PCDHGA12: variants seen among roughly 807,000 people sequenced by gnomAD.
PCDHGA12 encodes protocadherin gamma subfamily A, 12, also known as protocadherin gamma-A12.
In PCDHGA12, 43 loss-of-function variants were observed where a neutral mutation model predicts 61.1. The observed-to-expected ratio is 0.70, with a 90% CI of 0.55 to 0.91. The LOEUF (loss-of-function observed/expected upper bound fraction) is 0.91, where lower values mean the gene tolerates loss of function less well. PCDHGA12 is among the 40% of genes least tolerant of loss of function. The pLI is 0.00. For missense variants in PCDHGA12, 1,236 were observed against 1,227.7 expected (o/e 1.01, Z -0.10); for synonymous variants, 520 against 542.9 (o/e 0.96, Z 0.59).
At position 141,431,555 on chromosome 5, in the gene PCDHGA12, G is replaced by A. The variant is rs2097394199; in HGVS notation, c.796G>A (p.Ala266Thr). Residue 266 changes from alanine to threonine, a missense_variant, in exon 1 of 4, where the codon GCT becomes ACT. Transcript: ENST00000252085. This position sits in a 1 kb window ranked among gnomAD's most constrained non-coding sequence, Gnocchi z 4.8. The stretch of plus-strand genomic sequence containing the variant: ...GGGCACGCAGCTGCTTGTAGTCAAC[G>A]CTACCGACCCTGACGAAGGAGTCAA... ...ALGTQLLVVN[A>T]TDPDEGVNAE... 1 of 1,614,014 alleles carries A rather than the reference G, an allele frequency of 6.2e-7. No individual in the cohort carries two copies. The highest frequency in any genetic ancestry group is 8.5e-7 in the Non-Finnish European group (1 of 1,180,032).
At position 141,477,862 on chromosome 5, in the gene PCDHGA12, A is replaced by AGGT. The variant is rs753168325; in HGVS notation, c.2425-16944_2425-16942dup. 2.1e-5 allele frequency: 34 copies of AGGT among 1,613,138 alleles called. No individual in the cohort carries two copies. Among genetic ancestry groups the AGGT allele is most frequent in the Non-Finnish European group, 2.5e-5 (29 of 1,179,720 alleles). ...GGAGCTCGGTGGAGATGCTGCCTCG[A>AGGT]GGTACCTCAGCTGGCCACCTAGTGT... is the stretch of plus-strand genomic sequence containing the variant. On this transcript the variant is annotated intron_variant, in intron 1 of 3. Transcript: ENST00000252085. The surrounding 1 kb of genome is among the most constrained non-coding windows in gnomAD (Gnocchi z 4.9).
At position 141,430,878 on chromosome 5, in the gene PCDHGA12, A is replaced by G; in HGVS notation, c.119A>G (p.Glu40Gly). The change falls in exon 1 of 4, where the codon GAG becomes GGG. Residue 40 changes from glutamate to glycine, a missense_variant. Glu to Gly is a moderately conservative substitution (Grantham distance 98). Transcript: ENST00000252085. ...CGCTATTCAGTTCCGGAAGAGCTGG[A>G]GAAAGGCTCTAGGGTGGGCGACATC... Reference protein sequence around the residue: ...QIRYSVPEELEKGSRVGDISR... With the variant: ...QIRYSVPEELGKGSRVGDISR... 1 of 1,600,748 alleles carries G rather than the reference A, an allele frequency of 6.2e-7. No homozygotes were observed. Among genetic ancestry groups the G allele is most frequent in the Admixed American group, 1.8e-5 (1 of 57,102 alleles).
In PCDHGA12 at chr5:141,512,809, A is replaced by C. The variant is rs2099884438; in HGVS notation, c.*1636A>C. ...GTGTTTTGTGCTGTGTCCACGCGCT[A>C]AGGCGACCCCCTCCCCCGTACTGAC... On this transcript the variant is annotated 3_prime_UTR_variant, in exon 4 of 4. Coordinates refer to ENST00000252085, the MANE Select transcript of PCDHGA12 (RefSeq NM_003735.3). 6.6e-6 allele frequency: 1 copy of C among 152,130 alleles called. No homozygotes were observed. The highest frequency in any genetic ancestry group is 2.4e-5 in the African/African-American group (1 of 41,404). The allele number at this position is 152,130 out of a possible 1,614,324, so 9.4% of individuals were successfully genotyped here. A position where few individuals can be genotyped will look rare whatever the true frequency, so the allele number is the denominator to read the frequency against.
At position 141,487,385 on chromosome 5, in the gene PCDHGA12, CGAA is replaced by C; in HGVS notation, c.2425-7420_2425-7418del. 6.2e-7 allele frequency: 1 copy of C among 1,614,160 alleles called. No individual in the cohort carries two copies. The highest frequency in any genetic ancestry group is 8.5e-7 in the Non-Finnish European group (1 of 1,180,046). On this transcript the variant is annotated intron_variant, in intron 1 of 3. Coordinates refer to ENST00000252085, the MANE Select transcript of PCDHGA12 (RefSeq NM_003735.3). The surrounding 1 kb of genome is among the most constrained non-coding windows in gnomAD (Gnocchi z 5.0). ...CACCTGTGCCTGTCTCACCAGATCTCGAAGGAGGGAGGGGCTTCCCCCTTCCAA... is the reference window on the plus strand; with the variant it reads ...CACCTGTGCCTGTCTCACCAGATCTCGGAGGGAGGGGCTTCCCCCTTCCAA...
At position 141,486,134 on chromosome 5, in the gene PCDHGA12, C is replaced by T; in HGVS notation, c.2425-8673C>T. 6.2e-7 allele frequency: 1 copy of T among 1,614,168 alleles called. No homozygotes were observed. ...TGAGAATTACTATGAATTTGATGTG[C>T]GGGCTCGCGATGGGGGTTCTCCAGC... On this transcript the variant is annotated intron_variant, in intron 1 of 3. Coordinates refer to ENST00000252085, the MANE Select transcript of PCDHGA12 (RefSeq NM_003735.3). The surrounding 1 kb of genome is among the most constrained non-coding windows in gnomAD (Gnocchi z 5.0).
intron 2 of PCDHGA12, among the ~76,000 whole-genome samples, chr5:141,497,016 C>G (rs1384415729): frequency 6.6e-6 from 1 of 152,056 alleles, no homozygotes; most frequent in East Asian, 1.9e-4. Context: ...TGGTGAAACC[C>G]CATCTCGATT....
intron 1 of PCDHGA12, among the ~76,000 whole-genome samples, chr5:141,473,350 G>A (rs28461214): frequency 0.13 from 19,833 of 152,204 alleles, 1,410 homozygotes; most frequent in African/African-American, 0.17. Context: ...CAGTGAGGAT[G>A]CAAGTGGCCA....
rs765887978 is a variant in PCDHGA12 at position 141,486,476 on chromosome 5, C to T, written c.2425-8331C>T. The T allele has an allele frequency of 8.7e-6, 14 of 1,613,934 alleles. No homozygotes were observed. The highest frequency in any genetic ancestry group is 1.7e-5 in the Admixed American group (1 of 60,016). ...TGCTTCTGATGCTGGGAACCCTCCT[C>T]TCAGTACCCACAGAACTATTTTCCT... On this transcript the variant is annotated intron_variant, in intron 1 of 3. Transcript: ENST00000252085. This position sits in a 1 kb window ranked among gnomAD's most constrained non-coding sequence, Gnocchi z 5.0.
intron 2 of PCDHGA12, among the ~76,000 whole-genome samples, chr5:141,501,868 C>G (rs1016056445): frequency 1.3e-5 from 2 of 152,120 alleles, no homozygotes; most frequent in African/African-American, 2.4e-5. Flanking sequence ...TCCCAGGACG[C>G]CTCCTTACAC....
intron 1 of PCDHGA12, among the ~76,000 whole-genome samples, chr5:141,454,538 C>G (rs1229435473): frequency 6.6e-6 from 1 of 152,110 alleles, no homozygotes; most frequent in African/African-American, 2.4e-5. Context: ...TCCCAAGTAG[C>G]TGAGATTACA....
At chr5:141,451,484 G>A (rs2098717067) in intron 1 of PCDHGA12, among the ~76,000 whole-genome samples, 1 of 152,194 alleles carries the variant, frequency 6.6e-6, no homozygotes, top group Admixed American at 6.5e-5. Flanking sequence ...CTTGCCATGT[G>A]GACCTCCATA....
chr5:141,507,736 G>A (rs1562231670), intron 3 of PCDHGA12, among the ~76,000 whole-genome samples: 1 of 152,240 alleles, frequency 6.6e-6, no homozygotes. Flanking sequence ...CATGCAGCTC[G>A]TTCCCCTGTC....
Position 141,490,226 on chromosome 5 carries a change from C to T in PCDHGA12, c.2425-4581C>T. On this transcript the variant is annotated intron_variant, in intron 1 of 3. Coordinates refer to ENST00000252085, the MANE Select transcript of PCDHGA12 (RefSeq NM_003735.3). This position sits in a 1 kb window ranked among gnomAD's most constrained non-coding sequence, Gnocchi z 5.4. ...AGAGCCCGTGACCAGGGACAGCCTG[C>T]CATGGAGGGCCACTGTGTGATTCAA... The T allele has an allele frequency of 6.2e-7, 1 of 1,614,168 alleles. No homozygotes were observed. Among genetic ancestry groups the T allele is most frequent in the Non-Finnish European group, 8.5e-7 (1 of 1,180,020 alleles).
At chr5:141,501,333 A>ACC (rs1554187333) in intron 2 of PCDHGA12, among the ~76,000 whole-genome samples, 192 of 140,118 alleles carry the variant, frequency 1.4e-3, no homozygotes, top group Admixed American at 5.6e-3. Flanking sequence ...ACACACACAC[A>ACC]CCCCAAACTC....
intron 1 of PCDHGA12, chr5:141,478,484 C>A (rs376021397): frequency 1.2e-5 from 20 of 1,613,340 alleles, no homozygotes; most frequent in Non-Finnish European, 1.4e-5. Context: ...GAACACGCTG[C>A]GGAGCTGTGA....
chr5:141,473,647 C>T (rs2099326149), intron 1 of PCDHGA12, among the ~76,000 whole-genome samples: 1 of 152,172 alleles, frequency 6.6e-6, no homozygotes, highest in Non-Finnish European at 1.5e-5. Flanking sequence ...GGCAAAGGAA[C>T]AATTTGTGTG....
At chr5:141,461,830 CTT>C (rs1030113508) in intron 1 of PCDHGA12, among the ~76,000 whole-genome samples, 1 of 145,180 alleles carries the variant, frequency 6.9e-6, no homozygotes, top group Non-Finnish European at 1.5e-5. Context: ...ATTTTTTTTT[CTT>C]TTTTTTTTGA....
Position 141,494,864 on chromosome 5 carries a change from G to T in PCDHGA12, c.2482G>T (p.Gly828Cys), listed in dbSNP as rs773899530. 12 of 1,613,950 alleles carry T rather than the reference G, an allele frequency of 7.4e-6. No individual in the cohort carries two copies. Among genetic ancestry groups the T allele is most frequent in the South Asian group, 1.1e-5 (1 of 91,080 alleles). ...TCAGGCCCAGAGACCCGGCACCAGC[G>T]GGTAGGTGACTGATTCTCCAGCCCA... Reference protein sequence around the residue: ...FSQAQRPGTSGSQNGDDTGTW... With the variant: ...FSQAQRPGTSCSQNGDDTGTW... Residue 828 changes from glycine to cysteine, a missense_variant and splice_region_variant, in exon 2 of 4, where the codon GGC becomes TGC. Physicochemically the swap from Gly to Cys is radical, Grantham distance 159 (BLOSUM62 -3). Coordinates refer to ENST00000252085, the MANE Select transcript of PCDHGA12 (RefSeq NM_003735.3).
rs146719320 is a variant in PCDHGA12, at chr5:141,444,557, A to T, written c.2424+11374A>T. ...TGTGTCTAGTGAGCAAAAGGCACTTATTTGACACTTTTGACTCTTCCTTTC... is the reference window on the plus strand; with the variant it reads ...TGTGTCTAGTGAGCAAAAGGCACTTTTTTGACACTTTTGACTCTTCCTTTC... On this transcript the variant is annotated intron_variant, in intron 1 of 3. Transcript: ENST00000252085. Among the ~76,000 whole-genome samples, 1,352 of 152,248 alleles carry T rather than the reference A, an allele frequency of 8.9e-3. 18 individuals carry two copies. The highest frequency in any genetic ancestry group is 0.031 in the African/African-American group (1,277 of 41,558).
Sources: gnomAD v4.1 joint callset for allele counts (sites outside exome capture counted in the v4.1 genomes callset) on GRCh38, gnomAD v4.1.1 for gene constraint, Gnocchi (gnomAD v3.1) non-coding constraint, MANE v1.5 for transcripts, NCBI Gene and HGNC (gene_info 2026-07-23, HGNC 2026-07-21) for gene names.